KIAA1210: variants seen among roughly 807,000 people sequenced by gnomAD.
KIAA1210 encodes the protein acrosomal protein KIAA1210.
A neutral mutation model predicts 78.9 loss-of-function variants in KIAA1210; 48 were observed. The ratio of observed to expected loss-of-function variants is 0.61; its 90% CI spans 0.48 to 0.77. The LOEUF (loss-of-function observed/expected upper bound fraction) is 0.77, where lower values mean the gene tolerates loss of function less well. Among genes scored for constraint, KIAA1210 ranks in the 30% least tolerant of loss-of-function variants. KIAA1210 has a pLI of 0.00. For missense variants in KIAA1210, 1,108 were observed against 1,100.0 expected (o/e 1.01, Z -0.10); for synonymous variants, 406 against 404.5 (o/e 1.00, Z -0.04).
intron 4 of KIAA1210, 97 bp downstream of exon 4, chrX:119,108,979 G>A: frequency 1.0e-6 from 1 of 956,222 alleles, no homozygotes; most frequent in Non-Finnish European, 1.5e-6. Flanking sequence ...CTGAGAAGCA[G>A]AACCAAGTTC....
In KIAA1210 at chrX:119,086,879, C is replaced by T. The variant is rs1396793951; in HGVS notation, c.3823G>A (p.Glu1275Lys). The T allele has an allele frequency of 8.3e-7, 1 of 1,209,654 alleles. No individual in the cohort carries two copies. The highest frequency in any genetic ancestry group is 1.1e-6 in the Non-Finnish European group (1 of 895,005). Residue 1275 changes from glutamate (E) to lysine (K), a missense_variant, in exon 9 of 12, where the codon GAA becomes AAA. By Grantham distance (56) the Glu-to-Lys change is moderately conservative (BLOSUM62 1). This residue lies in a region of KIAA1210 where 245 missense variants were observed against 278.8 expected (regional missense o/e 0.88). Coordinates refer to ENST00000691062, the MANE Select transcript of KIAA1210 (RefSeq NM_001394962.1). Reference protein sequence around the residue: ...STSGGIYSKKEDLESGDGNNN... With the variant: ...STSGGIYSKKKDLESGDGNNN... ...TTACCATCACCACTCTCAAGATCTT[C>T]TTTCTTAGAGTAAATGCCCCCAGAA...
intron 2 of KIAA1210, among the ~76,000 whole-genome samples, chrX:119,136,990 GA>G (rs1270690856): frequency 8.9e-6 from 1 of 112,182 alleles, no homozygotes; most frequent in Non-Finnish European, 1.9e-5. Context: ...AGCAAAGTCA[GA>G]ACATTATTTC....
chrX:119,108,429 C>T lies in KIAA1210; in HGVS notation c.400G>A (p.Val134Ile). 1 of 1,209,948 alleles carries T rather than the reference C, an allele frequency of 8.3e-7. No individual in the cohort carries two copies. Residue 134 changes from valine to isoleucine, a missense_variant, in exon 5 of 12, where the codon GTT becomes ATT. Physicochemically the swap from Val to Ile is conservative, Grantham distance 29. Around this residue, in one of 5 missense-constraint regions of KIAA1210, gnomAD observed 672 missense variants for 607.1 expected, o/e 1.11. Coordinates refer to ENST00000691062, the MANE Select transcript of KIAA1210 (RefSeq NM_001394962.1). The part of the protein sequence containing the change: ...SRTLPKPRSK[V>I]PGVVSGAMSG... ...ATGGCTCCAGACACAACTCCAGGAA[C>T]CTTACTCCTAGGTTTAGGCAGAGTT...
chrX:119,108,260 T>C, intron 5 of KIAA1210, 77 bp downstream of exon 5: 1 of 1,005,236 alleles, frequency 9.9e-7, no homozygotes, highest in Non-Finnish European at 1.4e-6. Flanking sequence ...AGCCAGTAAG[T>C]AGCAGAGTAG....
intron 10 of KIAA1210, among the ~76,000 whole-genome samples, chrX:119,083,421 C>G (rs1416646815): frequency 8.9e-6 from 1 of 112,167 alleles, no homozygotes; most frequent in East Asian, 2.8e-4. Context: ...AATTATTTAA[C>G]TTGAGAACAA....
intron 2 of KIAA1210, among the ~76,000 whole-genome samples, chrX:119,136,351 G>A (rs1928913603): frequency 8.9e-6 from 1 of 112,482 alleles, no homozygotes; most frequent in South Asian, 3.7e-4. Context: ...TGGCCCACAG[G>A]GTGGAGGTTG....
chrX:119,112,558 T>C (rs1928115297), intron 3 of KIAA1210, among the ~76,000 whole-genome samples: 2 of 111,996 alleles, frequency 1.8e-5, no homozygotes, highest in African/African-American at 6.5e-5. Context: ...GGCCAACAAG[T>C]ACATGAAAAG....
At chrX:119,114,006 C>G (rs1264448188) in intron 3 of KIAA1210, among the ~76,000 whole-genome samples, 1 of 111,577 alleles carries the variant, frequency 9.0e-6, no homozygotes. Flanking sequence ...GGAGGGGTAG[C>G]AATGTTTAAA....
chrX:119,146,992 G>A (rs1229948355), intron 2 of KIAA1210, among the ~76,000 whole-genome samples: 1 of 111,720 alleles, frequency 9.0e-6, no homozygotes, highest in African/African-American at 3.3e-5. Context: ...ACAGTGAGGA[G>A]TGGAAGTTGG....
At chrX:119,135,773 G>A (rs750796208) in intron 2 of KIAA1210, among the ~76,000 whole-genome samples, 1 of 112,352 alleles carries the variant, frequency 8.9e-6, no homozygotes, top group South Asian at 3.7e-4. Flanking sequence ...GTAGAAGAAG[G>A]CCAGGTGCAG....
At chrX:119,103,126 C>A (rs780417462) in intron 6 of KIAA1210, among the ~76,000 whole-genome samples, 4 of 111,737 alleles carry the variant, frequency 3.6e-5, no homozygotes, top group Non-Finnish European at 7.5e-5. Context: ...TCAAAATTAT[C>A]TTTGGAGAAA....
chrX:119,124,499 G>A (rs1445788108), intron 1 of KIAA1210, among the ~76,000 whole-genome samples: 2 of 112,131 alleles, frequency 1.8e-5, no homozygotes, highest in Non-Finnish European at 3.8e-5. Context: ...CATTAACTCT[G>A]GATGCCTATT....
chrX:119,086,352 G>A (rs1034124484), intron 9 of KIAA1210, among the ~76,000 whole-genome samples, 194 bp downstream of exon 9: 1 of 111,670 alleles, frequency 9.0e-6, no homozygotes, highest in African/African-American at 3.3e-5. Context: ...GAAAGGGAAG[G>A]CTCAAAATTA....
chrX:119,145,818 G>C (rs181719034), intron 2 of KIAA1210, among the ~76,000 whole-genome samples: 174 of 111,968 alleles, frequency 1.6e-3, no homozygotes, highest in African/African-American at 5.3e-3. Flanking sequence ...TGTTTTAATA[G>C]CTCTTGAAGA....
chrX:119,140,401 C>A (rs5910517), intron 2 of KIAA1210, among the ~76,000 whole-genome samples: 1 of 108,880 alleles, frequency 9.2e-6, no homozygotes, highest in Non-Finnish European at 1.9e-5. Context: ...TGGTGGCATG[C>A]GGCTGTAATC....
intron 2 of KIAA1210, among the ~76,000 whole-genome samples, chrX:119,145,447 GC>G (rs1479072869): frequency 1.8e-5 from 2 of 110,489 alleles, no homozygotes; most frequent in Non-Finnish European, 3.8e-5. Context: ...TCCCCCACAT[GC>G]CCCTGCCACC....
intron 5 of KIAA1210, among the ~76,000 whole-genome samples, chrX:119,106,401 G>A (rs1287076268): frequency 1.8e-5 from 2 of 111,511 alleles, no homozygotes; most frequent in African/African-American, 6.5e-5. Flanking sequence ...TTCTTTCAGT[G>A]GCAGAGCAAG....
chrX:119,111,650 A>G (rs1928078485), intron 3 of KIAA1210, among the ~76,000 whole-genome samples: 1 of 111,052 alleles, frequency 9.0e-6, no homozygotes, highest in South Asian at 3.9e-4. Context: ...GAAATACCTA[A>G]TGTAGATGAT....
intron 5 of KIAA1210, among the ~76,000 whole-genome samples, chrX:119,105,652 T>C (rs1201225366): frequency 2.7e-5 from 3 of 112,173 alleles, no homozygotes; most frequent in Non-Finnish European, 5.6e-5. Context: ...GTTGCTTATC[T>C]TAATCATGTC....
Sources: allele counts gnomAD v4.1 joint callset (sites outside exome capture counted in the v4.1 genomes callset), GRCh38; gene constraint gnomAD v4.1.1; regional missense constraint gnomAD v4.1.1; transcripts MANE v1.5; gene names NCBI Gene and HGNC (gene_info 2026-07-23, HGNC 2026-07-21).